Variants in PPM1L observed in about 807,000 individuals in gnomAD.
PPM1L encodes protein phosphatase 1L.
A neutral mutation model predicts 31.4 loss-of-function variants in PPM1L; 13 were observed. The observed-to-expected ratio is 0.41, with a 90% confidence interval of 0.27 to 0.66. The LOEUF is 0.66. PPM1L is among the 30% of genes least tolerant of loss of function. The pLI is 0.29. For missense variants in PPM1L, 326 were observed against 453.7 expected, an observed-to-expected ratio of 0.72 and a Z score of 2.56; for synonymous variants, 184 against 175.4, an observed-to-expected ratio of 1.05 and a Z score of -0.39.
rs897478548 is a variant in PPM1L, at chr3:160,946,440, C to G, written c.400-15296C>G. On this transcript the variant is annotated intron_variant, in intron 1 of 3. Coordinates refer to ENST00000498165, the MANE Select transcript of PPM1L (RefSeq NM_139245.4). The stretch of plus-strand genomic sequence containing the variant: ...GTATGCCTTCAGAGAGCTCCGCCAA[C>G]CCACATAGAAGGGTAAATCACATTA... Among the ~76,000 whole-genome samples, 24 of 152,236 alleles carry G rather than the reference C, an allele frequency of 1.6e-4. No homozygotes were observed. The South Asian group carries it at 3.5e-3, about 22-fold the overall frequency.
rs998982790 is a variant in PPM1L, at chr3:161,076,966, T to G, written c.*7809T>G. 5 of 152,346 alleles carry G rather than the reference T, an allele frequency of 3.3e-5. No individual in the cohort carries two copies. The highest frequency in any genetic ancestry group is 1.2e-4 in the African/African-American group (5 of 41,586). The allele number at this position is 152,346 out of a possible 1,614,324, so 9.4% of individuals were successfully genotyped here. ...TATTGCTGTGTGTTTGTATATTTTA[T>G]TCTTTCCTTTTTTGTGTGAGCATCT... On this transcript the variant is annotated 3_prime_UTR_variant, in exon 4 of 4. Coordinates refer to ENST00000498165, the MANE Select transcript of PPM1L (RefSeq NM_139245.4).
chr3:161,009,666 T>A (rs952099660), intron 2 of PPM1L, among the ~76,000 whole-genome samples: 2 of 152,186 alleles, frequency 1.3e-5, no homozygotes, highest in Non-Finnish European at 2.9e-5. Flanking sequence ...TACTCTTAAG[T>A]CAGAAAAGGT....
rs1172297775 is a variant in PPM1L at position 161,074,441 on chromosome 3, T to C, written c.*5284T>C. On this transcript the variant is annotated 3_prime_UTR_variant, in exon 4 of 4. Transcript: ENST00000498165. ...ACAGAGTGAATTAAGGCAAAAGTCA[T>C]TAACTTAAAATTACATCCAATATTT... 6.6e-6 allele frequency: 1 copy of C among 152,192 alleles called. No homozygotes were observed. The highest frequency in any genetic ancestry group is 1.5e-5 in the Non-Finnish European group (1 of 68,036). The allele number at this position is 152,192 out of a possible 1,614,324, so 9.4% of individuals were successfully genotyped here.
rs373804992 is a variant in PPM1L, at chr3:160,892,521, A to G, written c.400-69215A>G. ...GACAAATATCCAAACCATGTCAGTGAATATATTTTAGAGTTTAAAAGTCTG... is the reference window on the plus strand; with the variant it reads ...GACAAATATCCAAACCATGTCAGTGGATATATTTTAGAGTTTAAAAGTCTG... On this transcript the variant is annotated intron_variant, in intron 1 of 3. Transcript: ENST00000498165. 1.4e-4 allele frequency among the ~76,000 whole-genome samples: 21 copies of G among 152,308 alleles called. No homozygotes were observed. In the East Asian group the frequency reaches 3.9e-3, roughly 28 times the overall value.
At chr3:161,024,083 C>T (rs955778829) in intron 2 of PPM1L, among the ~76,000 whole-genome samples, 7 of 151,912 alleles carry the variant, frequency 4.6e-5, no homozygotes, top group African/African-American at 9.7e-5. Context: ...TCGAGGCTAG[C>T]GTGGCCAACA....
intron 2 of PPM1L, among the ~76,000 whole-genome samples, chr3:161,021,018 T>C (rs1718222535): frequency 6.6e-6 from 1 of 152,010 alleles, no homozygotes; most frequent in Non-Finnish European, 1.5e-5. Flanking sequence ...AAGAACCTAC[T>C]TTTGTTTTTG....
chr3:160,861,765 A>G (rs898477645), intron 1 of PPM1L, among the ~76,000 whole-genome samples: 3 of 152,210 alleles, frequency 2.0e-5, no homozygotes, highest in African/African-American at 4.8e-5. Context: ...CCAAGGTGTC[A>G]GCAGACATGT....
intron 1 of PPM1L, among the ~76,000 whole-genome samples, chr3:160,870,991 C>T (rs1712284031): frequency 6.6e-6 from 1 of 152,150 alleles, no homozygotes; most frequent in Non-Finnish European, 1.5e-5. Flanking sequence ...AGAAATTAAA[C>T]AGCATGACCC....
chr3:160,799,044 A>G (rs928138344), intron 1 of PPM1L, among the ~76,000 whole-genome samples: 17 of 152,216 alleles, frequency 1.1e-4, no homozygotes, highest in African/African-American at 4.1e-4. Flanking sequence ...AATTTCTGTA[A>G]TATTATGATC....
chr3:161,056,362 T>C (rs1371461569), intron 2 of PPM1L, among the ~76,000 whole-genome samples: 1 of 152,172 alleles, frequency 6.6e-6, no homozygotes, highest in Non-Finnish European at 1.5e-5. Flanking sequence ...ATCTCTACCA[T>C]CTTACTCTCT....
intron 2 of PPM1L, among the ~76,000 whole-genome samples, chr3:160,965,792 G>T (rs965792439): frequency 3.3e-5 from 5 of 151,932 alleles, no homozygotes; most frequent in African/African-American, 1.2e-4. Context: ...TTAATTATTA[G>T]TTAGAAGATA....
chr3:160,999,883 C>T (rs1358660664), intron 2 of PPM1L, among the ~76,000 whole-genome samples: 3 of 152,206 alleles, frequency 2.0e-5, no homozygotes, highest in East Asian at 1.9e-4. Flanking sequence ...AATTACTACC[C>T]TAAAAGAGAC....
intron 1 of PPM1L, among the ~76,000 whole-genome samples, chr3:160,938,815 T>G (rs1356542311): frequency 6.6e-6 from 1 of 152,214 alleles, no homozygotes; most frequent in Admixed American, 6.5e-5. Context: ...TTTCCTAGTC[T>G]TGTTCAGGAC....
intron 2 of PPM1L, among the ~76,000 whole-genome samples, chr3:161,028,575 G>A (rs762287300): frequency 6.6e-6 from 1 of 152,194 alleles, no homozygotes; most frequent in African/African-American, 2.4e-5. Context: ...ACATCCAGGA[G>A]AAAATCAGCT....
chr3:160,925,229 C>T (rs1008967891), intron 1 of PPM1L, among the ~76,000 whole-genome samples: 1 of 152,188 alleles, frequency 6.6e-6, no homozygotes. Context: ...ACTAAAACCC[C>T]TGTTTATAAG....
intron 1 of PPM1L, among the ~76,000 whole-genome samples, chr3:160,813,584 C>T (rs968176581): frequency 6.6e-6 from 1 of 152,158 alleles, no homozygotes; most frequent in Non-Finnish European, 1.5e-5. Flanking sequence ...AGATGATCCA[C>T]CTGCCTCAGC....
intron 2 of PPM1L, among the ~76,000 whole-genome samples, chr3:161,019,631 GTT>G (rs1366468046): frequency 6.6e-6 from 1 of 152,154 alleles, no homozygotes; most frequent in Non-Finnish European, 1.5e-5. Flanking sequence ...AGCAGTAAGA[GTT>G]TTGTATATAG....
In PPM1L at chr3:161,068,926, C is replaced by T. The variant is rs1398869026; in HGVS notation, c.852C>T (p.Ile284=). The T allele has an allele frequency of 1.2e-6, 2 of 1,614,206 alleles. No homozygotes were observed. Among genetic ancestry groups the T allele is most frequent in the South Asian group, 1.1e-5 (1 of 91,080 alleles). Residue 284 remains isoleucine (I), a synonymous_variant, in exon 4 of 4, where the codon ATC becomes ATT. Transcript: ENST00000498165. Reference sequence around the variant, plus strand: ...ACGTGGTCATCCCAGACCCAGACATCCTGACCTTTGACCTGGACAAGCTTC... The same window carrying T: ...ACGTGGTCATCCCAGACCCAGACATTCTGACCTTTGACCTGGACAAGCTTC... ...NLNVVIPDPD[I]LTFDLDKLQP...
intron 2 of PPM1L, among the ~76,000 whole-genome samples, chr3:161,009,726 A>G (rs1198459000): frequency 6.6e-6 from 1 of 152,148 alleles, no homozygotes; most frequent in Non-Finnish European, 1.5e-5. Context: ...TTCTCTCCAA[A>G]AAGCTTTTTT....
Sources: gnomAD v4.1 joint callset for allele counts (sites outside exome capture counted in the v4.1 genomes callset) on GRCh38, gnomAD v4.1.1 for gene constraint, MANE v1.5 for transcripts, NCBI Gene and HGNC (gene_info 2026-07-23, HGNC 2026-07-21) for gene names.